The following CDH13 variants were observed in gnomAD, a reference collection of about 807,000 sequenced individuals.
CDH13 encodes the protein cadherin-13.
In CDH13, 24 loss-of-function variants were observed where a neutral mutation model predicts 63.8. The ratio of observed to expected loss-of-function variants is 0.38; its 90% CI spans 0.27 to 0.53. The LOEUF (loss-of-function observed/expected upper bound fraction) is 0.53. Ranked by LOEUF, CDH13 falls within the 20% of genes least tolerant of loss-of-function variation. The pLI is 0.85. For missense variants in CDH13, 1,049 were observed against 903.1 expected, an observed-to-expected ratio of 1.16 and a Z score of -2.07; for synonymous variants, 503 against 355.3, an observed-to-expected ratio of 1.42 and a Z score of -4.67.
chr16:83,608,420 T>A (rs549748668), intron 8 of CDH13, among the ~76,000 whole-genome samples: 1 of 152,294 alleles, frequency 6.6e-6, no homozygotes, highest in Admixed American at 6.5e-5. Context: ...TTTCTAAAAG[T>A]CAGTGTGGAG....
At chr16:82,883,602 C>T (rs1233062643) in intron 2 of CDH13, among the ~76,000 whole-genome samples, 1 of 152,180 alleles carries the variant, frequency 6.6e-6, no homozygotes, top group Non-Finnish European at 1.5e-5. Flanking sequence ...TTTCTGTTAC[C>T]TCTTGGGTGT....
In CDH13 at chr16:83,109,752, C is replaced by T. The variant is rs144850897; in HGVS notation, c.367-15633C>T. 3.9e-5 allele frequency among the ~76,000 whole-genome samples: 6 copies of T among 152,284 alleles called. No individual in the cohort carries two copies. In the East Asian group the frequency reaches 1.2e-3, roughly 29 times the overall value. On this transcript the variant is annotated intron_variant, in intron 3 of 13. Coordinates refer to ENST00000567109, the MANE Select transcript of CDH13 (RefSeq NM_001257.5). The stretch of plus-strand genomic sequence containing the variant: ...GATGCCTCCAGCTGGTCACAAGTAG[C>T]TATTGAACATGAATATTTTATCAGT...
chr16:83,565,745 T>G, intron 7 of CDH13, among the ~76,000 whole-genome samples: 1 of 151,986 alleles, frequency 6.6e-6, no homozygotes. Flanking sequence ...GATAACTGAT[T>G]TATTATTTTC....
intron 1 of CDH13, among the ~76,000 whole-genome samples, chr16:82,849,462 A>G (rs879437179): frequency 1.3e-5 from 2 of 152,198 alleles, no homozygotes; most frequent in Admixed American, 6.5e-5. Flanking sequence ...AGATCACACC[A>G]CTGCACTCCA....
chr16:83,038,446 C>G (rs977608997), intron 3 of CDH13, among the ~76,000 whole-genome samples: 2 of 152,168 alleles, frequency 1.3e-5, no homozygotes, highest in Non-Finnish European at 2.9e-5. Context: ...AATTCCAAGT[C>G]TTTTGACAGG....
chr16:83,397,038 G>T (rs1380741041), intron 6 of CDH13, among the ~76,000 whole-genome samples: 1 of 152,146 alleles, frequency 6.6e-6, no homozygotes, highest in East Asian at 1.9e-4. Flanking sequence ...AAAGCCTGCA[G>T]CTGTGATCTA....
chr16:83,502,433 C>G (rs768242052), intron 7 of CDH13, among the ~76,000 whole-genome samples: 1 of 152,106 alleles, frequency 6.6e-6, no homozygotes, highest in Non-Finnish European at 1.5e-5. Flanking sequence ...AGGATTGCAG[C>G]TCTGCCCACA....
At chr16:82,660,350 T>A (rs1324273438) in intron 1 of CDH13, among the ~76,000 whole-genome samples, 1 of 152,144 alleles carries the variant, frequency 6.6e-6, no homozygotes, top group Non-Finnish European at 1.5e-5. Flanking sequence ...GTATTTAAAA[T>A]ATGTCATATG....
chr16:83,309,209 G>A (rs756777064), intron 5 of CDH13, among the ~76,000 whole-genome samples: 2 of 152,224 alleles, frequency 1.3e-5, no homozygotes, highest in Non-Finnish European at 2.9e-5. Context: ...TTGCCTACCA[G>A]TGGGCTCCAA....
At chr16:83,210,518 T>G (rs573451715) in intron 4 of CDH13, among the ~76,000 whole-genome samples, 1 of 152,066 alleles carries the variant, frequency 6.6e-6, no homozygotes, top group Non-Finnish European at 1.5e-5. Flanking sequence ...CATTTACGTA[T>G]TCATTATGCA....
intron 6 of CDH13, among the ~76,000 whole-genome samples, chr16:83,378,209 A>G (rs569014207): frequency 6.6e-6 from 1 of 152,186 alleles, no homozygotes; most frequent in Non-Finnish European, 1.5e-5. Context: ...TGAAACAACT[A>G]TTGATATAGA....
At chr16:83,010,392 C>G (rs117667320) in intron 2 of CDH13, among the ~76,000 whole-genome samples, 4,869 of 152,104 alleles carry the variant, frequency 0.032, 105 homozygotes, top group Non-Finnish European at 0.044. Context: ...CAGAGATGCA[C>G]GACTGTCAGA....
intron 10 of CDH13, among the ~76,000 whole-genome samples, chr16:83,730,394 G>A (rs79242065): frequency 0.024 from 3,580 of 152,248 alleles, 140 homozygotes; most frequent in East Asian, 0.17. Flanking sequence ...TAAATAATTA[G>A]AGGAAGAATT....
At chr16:83,202,956 T>G (rs1230239997) in intron 4 of CDH13, among the ~76,000 whole-genome samples, 1 of 152,170 alleles carries the variant, frequency 6.6e-6, no homozygotes, top group East Asian at 1.9e-4. Context: ...CCAGGTACAG[T>G]GGCTCACGCC....
chr16:82,794,210 G>A (rs539015585), intron 1 of CDH13, among the ~76,000 whole-genome samples: 6 of 148,148 alleles, frequency 4.1e-5, no homozygotes, highest in Admixed American at 2.0e-4. Flanking sequence ...ATCAGCTGTC[G>A]TTAGTGTTAT....
chr16:83,551,186 A>G lies in CDH13; in HGVS notation c.961-51268A>G, dbSNP rs560263179. On this transcript the variant is annotated intron_variant, in intron 7 of 13. Transcript: ENST00000567109. The stretch of plus-strand genomic sequence containing the variant: ...AAACTCCGCCTCCCGGGTTCAAGTG[A>G]TTCTCGTGTCTCAGCCTCCCAAGTA... 2.6e-5 allele frequency among the ~76,000 whole-genome samples: 4 copies of G among 152,024 alleles called. No homozygotes were observed. In the East Asian group the frequency reaches 7.8e-4, roughly 29 times the overall value.
At chr16:82,898,981 C>A (rs1471225006) in intron 2 of CDH13, among the ~76,000 whole-genome samples, 1 of 152,232 alleles carries the variant, frequency 6.6e-6, no homozygotes, top group African/African-American at 2.4e-5. Flanking sequence ...CTCTCTGCAG[C>A]TGAGGTAATT....
chr16:82,793,549 C>A (rs1030138188), intron 1 of CDH13, among the ~76,000 whole-genome samples: 1 of 152,148 alleles, frequency 6.6e-6, no homozygotes, highest in Non-Finnish European at 1.5e-5. Context: ...TTCTCATTTC[C>A]ATGTCAGTCT....
At chr16:82,997,536 C>G (rs569784211) in intron 2 of CDH13, among the ~76,000 whole-genome samples, 29 of 152,292 alleles carry the variant, frequency 1.9e-4, no homozygotes, top group African/African-American at 6.7e-4. Flanking sequence ...TGTACATGCA[C>G]AATATATTCT....
Sources: allele counts gnomAD v4.1 joint callset (sites outside exome capture counted in the v4.1 genomes callset), GRCh38; gene constraint gnomAD v4.1.1; transcripts MANE v1.5; gene names NCBI Gene and HGNC (gene_info 2026-07-23, HGNC 2026-07-21).